NTAQ1: variants seen among roughly 807,000 people sequenced by gnomAD.
NTAQ1 encodes the protein protein N-terminal glutamine amidohydrolase.
Under a neutral mutation model 28.2 loss-of-function variants are expected in NTAQ1, and 21 were observed. The observed-to-expected ratio is 0.74, with a 90% CI of 0.53 to 1.07. NTAQ1 has a LOEUF of 1.07. Ranked by LOEUF, NTAQ1 falls within the 50% of genes least tolerant of loss-of-function variation. The pLI is 0.00. For missense variants in NTAQ1, 264 were observed against 256.6 expected, an observed-to-expected ratio of 1.03 and a Z score of -0.20; for synonymous variants, 105 against 90.0, an observed-to-expected ratio of 1.17 and a Z score of -0.94.
At chr8:123,443,310 G>A (rs11777701), downstream of NTAQ1, among the ~76,000 whole-genome samples, 55,076 of 151,980 alleles carry the variant, frequency 0.36, 10,093 homozygotes, top group East Asian at 0.56. Flanking sequence ...ATGAGCCACC[G>A]CACCCGGCCA....
At chr8:123,428,387 G>A (rs1814198287) in intron 2 of NTAQ1, among the ~76,000 whole-genome samples, 1 of 151,908 alleles carries the variant, frequency 6.6e-6, no homozygotes. Context: ...TAGTAGAGAT[G>A]GGGTTTTGCT....
At chr8:123,461,467 C>T (rs576882298) in intron 6 of NTAQ1, among the ~76,000 whole-genome samples, 12 of 152,250 alleles carry the variant, frequency 7.9e-5, no homozygotes, top group East Asian at 1.9e-4. Context: ...ATCTACACCC[C>T]GAGAGGTTAT....
chr8:123,435,602 C>T (rs778363510), intron 3 of NTAQ1: 176 of 897,804 alleles, frequency 2.0e-4, no homozygotes, highest in Non-Finnish European at 2.0e-4. Context: ...CACTGTGGCT[C>T]ACACCTGTAA....
chr8:123,455,200 G>A (rs370201867), intron 6 of NTAQ1: 2 of 152,330 alleles, frequency 1.3e-5, no homozygotes, highest in East Asian at 3.9e-4. Flanking sequence ...AGGCAGCTGA[G>A]TCAGCTCTGG....
chr8:123,419,351 A>C (rs1333999584), intron 1 of NTAQ1, among the ~76,000 whole-genome samples: 1 of 152,006 alleles, frequency 6.6e-6, no homozygotes, highest in South Asian at 2.1e-4. Context: ...CACCTGCCTC[A>C]GCCTCCCAAA....
chr8:123,416,727 T>C (rs1429825708), upstream of NTAQ1: 5 of 751,448 alleles, frequency 6.7e-6, no homozygotes, highest in African/African-American at 4.3e-5. Flanking sequence ...GCCCCGGCCC[T>C]CTCCCCCCGG....
intron 6 of NTAQ1, among the ~76,000 whole-genome samples, chr8:123,458,601 A>G (rs1051069275): frequency 8.6e-5 from 13 of 151,424 alleles, no homozygotes; most frequent in Admixed American, 3.3e-4. Context: ...TGTGTGAGAC[A>G]GGAAAAATAG....
At chr8:123,471,037 C>T (rs1816036133), downstream of NTAQ1, among the ~76,000 whole-genome samples, 2 of 151,900 alleles carry the variant, frequency 1.3e-5, no homozygotes, top group East Asian at 3.9e-4. Flanking sequence ...CCTCCTGCCT[C>T]AGCCTCCCAA....
chr8:123,445,338 A>G (rs949742232), downstream of NTAQ1, among the ~76,000 whole-genome samples: 4 of 151,872 alleles, frequency 2.6e-5, no homozygotes, highest in Non-Finnish European at 5.9e-5. Flanking sequence ...CCCTTCACTA[A>G]ACAAAGAAAA....
At chr8:123,426,974 T>TA (rs1260434753) in intron 1 of NTAQ1, among the ~76,000 whole-genome samples, 1 of 151,620 alleles carries the variant, frequency 6.6e-6, no homozygotes. Context: ...AATAAATAAA[T>TA]AAAAAAAATA....
chr8:123,455,528 C>T (rs1815624893), intron 6 of NTAQ1, among the ~76,000 whole-genome samples: 1 of 149,532 alleles, frequency 6.7e-6, no homozygotes, highest in Non-Finnish European at 1.5e-5. Context: ...TGGGTTCAAG[C>T]GATTCTCTGC....
At chr8:123,455,622 A>G (rs1476240639) in intron 6 of NTAQ1, among the ~76,000 whole-genome samples, 1 of 151,848 alleles carries the variant, frequency 6.6e-6, no homozygotes, top group Non-Finnish European at 1.5e-5. Flanking sequence ...ACAGCGTTTC[A>G]CCATGTTGCC....
At chr8:123,473,358 C>T (rs528870478), downstream of NTAQ1, among the ~76,000 whole-genome samples, 4 of 150,396 alleles carry the variant, frequency 2.7e-5, no homozygotes, top group South Asian at 2.1e-4. Flanking sequence ...TGCAGTGGCG[C>T]GATCTTGGCT....
downstream of NTAQ1, among the ~76,000 whole-genome samples, chr8:123,473,018 T>G (rs1040001959): frequency 1.3e-5 from 2 of 152,200 alleles, no homozygotes; most frequent in East Asian, 1.9e-4. Flanking sequence ...TGTTAACTGT[T>G]GGGGTGAGGG....
chr8:123,440,132 G>A lies in NTAQ1; in HGVS notation c.509-1174G>A, dbSNP rs1814963074. Among the ~76,000 whole-genome samples the A allele has an allele frequency of 2.8e-5, 4 of 145,002 alleles. No individual in the cohort carries two copies. The South Asian group carries it at 8.7e-4, about 31-fold the overall frequency. On this transcript the variant is annotated intron_variant, in intron 5 of 5. Transcript: ENST00000287387. ...ATTATAGGCATGAGCCACCACGCTG[G>A]CCAGGATTAACTCCTTTTTTTTTTT...
intron 3 of NTAQ1, chr8:123,435,428 C>T (rs1441636574): frequency 1.0e-6 from 1 of 981,594 alleles, no homozygotes; most frequent in African/African-American, 1.7e-5. Flanking sequence ...TAAAGTCCTC[C>T]TTCTCCTCTC....
chr8:123,429,542 C>T (rs1355978904), intron 2 of NTAQ1, among the ~76,000 whole-genome samples: 5 of 151,990 alleles, frequency 3.3e-5, no homozygotes, highest in African/African-American at 1.2e-4. Context: ...TGTGAGTAGC[C>T]ACTGCACTCC....
At chr8:123,444,068 G>A (rs11778575), downstream of NTAQ1, among the ~76,000 whole-genome samples, 54,475 of 139,714 alleles carry the variant, frequency 0.39, 9,938 homozygotes, top group East Asian at 0.58. Flanking sequence ...TTTTTTTTTT[G>A]AACCCAAACT....
intron 1 of NTAQ1, among the ~76,000 whole-genome samples, chr8:123,421,893 C>T (rs1365880510): frequency 4.6e-5 from 7 of 151,958 alleles, no homozygotes; most frequent in African/African-American, 1.2e-4. Flanking sequence ...AGGGTTTCAC[C>T]GTGGTCTGGA....
Sources: allele counts gnomAD v4.1 joint callset (sites outside exome capture counted in the v4.1 genomes callset), GRCh38; gene constraint gnomAD v4.1.1; transcripts MANE v1.5; gene names NCBI Gene and HGNC (gene_info 2026-07-23, HGNC 2026-07-21).